PRKCA: variants seen among roughly 807,000 people sequenced by gnomAD.
PRKCA encodes protein kinase C alpha type.
PRKCA carries 27 observed loss-of-function variants against 87.0 expected under a neutral mutation model. The ratio of observed to expected loss-of-function variants is 0.31; its 90% CI spans 0.23 to 0.43. The LOEUF is 0.43. PRKCA is among the 20% of genes least tolerant of loss of function. The probability of loss-of-function intolerance (pLI) is 1.00; values close to 1 mark genes in which losing one functional copy is unlikely to be tolerated. For missense variants in PRKCA, 518 were observed against 852.3 expected, an observed-to-expected ratio of 0.61 and a Z score of 4.88; for synonymous variants, 329 against 311.1, an observed-to-expected ratio of 1.06 and a Z score of -0.61.
At chr17:66,465,574 T>G (rs1359972244) in intron 2 of PRKCA, among the ~76,000 whole-genome samples, 1 of 151,570 alleles carries the variant, frequency 6.6e-6, no homozygotes, top group Non-Finnish European at 1.5e-5. Flanking sequence ...TTTTTTTTTT[T>G]TTTAAGTAGA....
At chr17:66,533,528 T>A (rs1967643183) in intron 3 of PRKCA, among the ~76,000 whole-genome samples, 1 of 152,210 alleles carries the variant, frequency 6.6e-6, no homozygotes, top group African/African-American at 2.4e-5. Flanking sequence ...TTATAACGAA[T>A]GCTGAATTTG....
intron 2 of PRKCA, among the ~76,000 whole-genome samples, chr17:66,336,276 G>A (rs1185709714): frequency 6.6e-6 from 1 of 152,188 alleles, no homozygotes; most frequent in Non-Finnish European, 1.5e-5. Context: ...ACAGTCTAGT[G>A]GAGGAGTCAA....
At chr17:66,726,461 G>A (rs1452008884) in intron 8 of PRKCA, among the ~76,000 whole-genome samples, 1 of 152,184 alleles carries the variant, frequency 6.6e-6, no homozygotes, top group Non-Finnish European at 1.5e-5. Context: ...AAAGCTAACT[G>A]GGAGAAGGAA....
Position 66,375,346 on chromosome 17 carries a change from G to A in PRKCA, c.205+69219G>A, listed in dbSNP as rs146350895. 1.2e-4 allele frequency among the ~76,000 whole-genome samples: 18 copies of A among 152,304 alleles called. No individual in the cohort carries two copies. The East Asian group carries it at 3.3e-3, about 28-fold the overall frequency. ...CAGAAGACTTAAGGGTACCGGGTTT[G>A]TACAACAGGCAGCTTTTGCATTGGA... On this transcript the variant is annotated intron_variant, in intron 2 of 16. Coordinates refer to ENST00000413366, the MANE Select transcript of PRKCA (RefSeq NM_002737.3).
chr17:66,437,731 T>TTTTTTTTTGTGG (rs55779501), intron 2 of PRKCA, among the ~76,000 whole-genome samples: 5 of 11,142 alleles, frequency 4.5e-4, no homozygotes, highest in Non-Finnish European at 6.5e-4. Context: ...TTTTTTTTTT[T>TTTTTTTTTGTGG]GAGCGGGGGG....
intron 13 of PRKCA, among the ~76,000 whole-genome samples, chr17:66,758,076 C>A (rs908178386): frequency 1.1e-4 from 16 of 152,212 alleles, no homozygotes; most frequent in Admixed American, 3.9e-4. Flanking sequence ...AAACTTGGAT[C>A]TCCATGGGGC....
chr17:66,543,269 T>A (rs900417087), intron 3 of PRKCA, among the ~76,000 whole-genome samples: 1 of 152,206 alleles, frequency 6.6e-6, no homozygotes, highest in South Asian at 2.1e-4. Context: ...TATTTAATGT[T>A]CAAAAGAATG....
intron 3 of PRKCA, among the ~76,000 whole-genome samples, chr17:66,551,181 G>A (rs1324477688): frequency 6.6e-6 from 1 of 152,134 alleles, no homozygotes; most frequent in Admixed American, 6.5e-5. Flanking sequence ...TCCCACCTTA[G>A]CCCTGTGAGT....
intron 3 of PRKCA, among the ~76,000 whole-genome samples, chr17:66,499,290 C>A (rs554222435): frequency 3.3e-5 from 5 of 151,864 alleles, no homozygotes; most frequent in African/African-American, 1.2e-4. Flanking sequence ...GTAGGGAAAC[C>A]AAGAAGGGGC....
intron 3 of PRKCA, among the ~76,000 whole-genome samples, chr17:66,614,965 A>T (rs1317883479): frequency 6.7e-6 from 1 of 148,820 alleles, no homozygotes; most frequent in East Asian, 2.0e-4. Flanking sequence ...AGGAGTAGGG[A>T]GGGGGTGGGC....
At chr17:66,358,503 T>C (rs751949362) in intron 2 of PRKCA, among the ~76,000 whole-genome samples, 1 of 151,980 alleles carries the variant, frequency 6.6e-6, no homozygotes, top group African/African-American at 2.4e-5. Flanking sequence ...TCTATTACAC[T>C]CTACCCATTT....
chr17:66,718,202 A>G (rs899552552), intron 8 of PRKCA, among the ~76,000 whole-genome samples: 10 of 152,142 alleles, frequency 6.6e-5, no homozygotes, highest in Admixed American at 4.6e-4. Context: ...GTCTAAAATC[A>G]AGGCAGGTGA....
At chr17:66,651,788 G>A (rs1971596392) in intron 5 of PRKCA, among the ~76,000 whole-genome samples, 1 of 152,140 alleles carries the variant, frequency 6.6e-6, no homozygotes, top group African/African-American at 2.4e-5. Flanking sequence ...CACTGTTGGT[G>A]ATCCTGCATT....
At chr17:66,799,750 C>A (rs1218023269) in intron 16 of PRKCA, among the ~76,000 whole-genome samples, 2 of 151,646 alleles carry the variant, frequency 1.3e-5, no homozygotes, top group Admixed American at 6.6e-5. Context: ...AGTTCAAGAT[C>A]TTCTCCAGTT....
intron 2 of PRKCA, chr17:66,340,195 A>G (rs941536708): frequency 1.3e-5 from 2 of 152,148 alleles, no homozygotes; most frequent in African/African-American, 4.8e-5. Context: ...GCTACACACC[A>G]TAAAATGTTT....
intron 3 of PRKCA, among the ~76,000 whole-genome samples, chr17:66,537,911 T>A (rs1409957965): frequency 6.6e-6 from 1 of 152,068 alleles, no homozygotes; most frequent in Non-Finnish European, 1.5e-5. Context: ...GTTTAAGGGG[T>A]TCTCGTGCCT....
At chr17:66,348,665 A>T (rs1046770646) in intron 2 of PRKCA, among the ~76,000 whole-genome samples, 4 of 152,202 alleles carry the variant, frequency 2.6e-5, no homozygotes, top group African/African-American at 9.6e-5. Context: ...AAACATAGTC[A>T]ACACCACTAT....
chr17:66,316,866 G>A (rs2143183089), intron 2 of PRKCA, among the ~76,000 whole-genome samples: 1 of 152,226 alleles, frequency 6.6e-6, no homozygotes, highest in African/African-American at 2.4e-5. Flanking sequence ...TCAGCAGCCG[G>A]GCGTGGTGGC....
At chr17:66,661,389 G>A (rs756099464) in intron 5 of PRKCA, among the ~76,000 whole-genome samples, 2 of 152,192 alleles carry the variant, frequency 1.3e-5, no homozygotes, top group Non-Finnish European at 2.9e-5. Context: ...GCCATGAAAC[G>A]TGAGCCAGGG....
Sources: gnomAD v4.1 joint callset for allele counts (sites outside exome capture counted in the v4.1 genomes callset) on GRCh38, gnomAD v4.1.1 for gene constraint, MANE v1.5 for transcripts, NCBI Gene and HGNC (gene_info 2026-07-23, HGNC 2026-07-21) for gene names.